LRIG3: variants seen among roughly 807,000 people sequenced by gnomAD.
The protein encoded by LRIG3 is leucine-rich repeats and immunoglobulin-like domains protein 3.
LRIG3 carries 76 observed loss-of-function variants against 114.5 expected under a neutral mutation model. That is an observed-to-expected ratio of 0.66 (90% CI 0.55 to 0.80). The LOEUF (loss-of-function observed/expected upper bound fraction) is 0.80. LRIG3 is among the 30% of genes least tolerant of loss of function. The probability of loss-of-function intolerance (pLI) is 0.00; values close to 1 mark genes in which losing one functional copy is unlikely to be tolerated. For missense variants in LRIG3, 1,239 were observed against 1,382.8 expected (o/e 0.90, Z 1.65); for synonymous variants, 512 against 519.8 (o/e 0.98, Z 0.20).
At chr12:58,879,126 T>C (rs1871033706) in intron 13 of LRIG3, 21 bp from the exon 14 acceptor site, 2 of 1,601,786 alleles carry the variant, frequency 1.2e-6, no homozygotes, top group Non-Finnish European at 1.7e-6. Context: ...AGAAACAATA[T>C]AGGCATTAGC....
chr12:58,889,821 G>A (rs1038384528), intron 5 of LRIG3, among the ~76,000 whole-genome samples, 175 bp downstream of exon 5: 2 of 152,012 alleles, frequency 1.3e-5, no homozygotes, highest in Non-Finnish European at 2.9e-5. Flanking sequence ...ACGAGGTGAC[G>A]AGATGATGTT....
At chr12:58,886,751 G>A (rs988059407) in intron 9 of LRIG3, 59 bp downstream of exon 9, 34 of 1,455,678 alleles carry the variant, frequency 2.3e-5, no homozygotes, top group Non-Finnish European at 3.1e-5. Context: ...GCTGACTTCA[G>A]TGAAGACAAA....
rs1592316139 is a variant in LRIG3, at chr12:58,920,483, G to A, written c.-248C>T. 4 of 376,042 alleles carry A rather than the reference G, an allele frequency of 1.1e-5. No individual in the cohort carries two copies. Among genetic ancestry groups the A allele is most frequent in the African/African-American group, 4.2e-5 (2 of 47,770 alleles). 23.3% of individuals were successfully genotyped at this position (376,042 alleles called of 1,614,324 possible). A position where few individuals can be genotyped will look rare whatever the true frequency, so the allele number is the denominator to read the frequency against. On this transcript the variant is annotated 5_prime_UTR_variant, in exon 1 of 19. Coordinates refer to ENST00000320743, the MANE Select transcript of LRIG3 (RefSeq NM_153377.5). ...GTTGCAGCTTGAGCAGCGTCGGCTCGCCGAAGCCCCTTCTTGTCTGCAAAA... is the reference window on the plus strand; with the variant it reads ...GTTGCAGCTTGAGCAGCGTCGGCTCACCGAAGCCCCTTCTTGTCTGCAAAA...
intron 3 of LRIG3, among the ~76,000 whole-genome samples, chr12:58,907,569 G>A (rs75518738): frequency 0.012 from 1,851 of 152,306 alleles, 33 homozygotes; most frequent in East Asian, 0.088. Flanking sequence ...AGCAGCAGCT[G>A]CTGGCGCTCA....
At chr12:58,902,217 G>C (rs767169848) in intron 3 of LRIG3, among the ~76,000 whole-genome samples, 20 of 151,984 alleles carry the variant, frequency 1.3e-4, no homozygotes, top group Non-Finnish European at 2.4e-4. Flanking sequence ...TCGATACTTT[G>C]TGTGGGATCA....
intron 3 of LRIG3, among the ~76,000 whole-genome samples, chr12:58,903,713 T>A (rs1871954606): frequency 6.6e-6 from 1 of 152,028 alleles, no homozygotes; most frequent in African/African-American, 2.4e-5. Flanking sequence ...AATGTTTAAG[T>A]CTTTAATCCA....
chr12:58,881,339 T>C (rs972624683), intron 12 of LRIG3, among the ~76,000 whole-genome samples: 4 of 148,460 alleles, frequency 2.7e-5, no homozygotes, highest in Admixed American at 2.0e-4. Context: ...ACATCAATCA[T>C]GATTAATCAA....
intron 3 of LRIG3, among the ~76,000 whole-genome samples, chr12:58,898,044 T>C (rs541412114): frequency 3.9e-5 from 6 of 152,312 alleles, no homozygotes; most frequent in East Asian, 1.9e-4. Context: ...CAGCTGTAGA[T>C]TGCACCATAA....
At chr12:58,919,715 T>A (rs943438424) in intron 1 of LRIG3, among the ~76,000 whole-genome samples, 4 of 152,180 alleles carry the variant, frequency 2.6e-5, no homozygotes, top group Non-Finnish European at 5.9e-5. Context: ...GGCGCAGGAC[T>A]TCATCCCCAA....
At chr12:58,888,771 T>C (rs890946203) in intron 6 of LRIG3, 48 bp downstream of exon 6, 5 of 1,598,566 alleles carry the variant, frequency 3.1e-6, no homozygotes, top group Non-Finnish European at 4.3e-6. Context: ...ACACTGAGCA[T>C]TCTATGATCA....
Position 58,889,977 on chromosome 12 carries a change from A to C in LRIG3, c.659+19T>G. The C allele has an allele frequency of 6.2e-7, 1 of 1,612,648 alleles. No homozygotes were observed. The highest frequency in any genetic ancestry group is 2.2e-5 in the East Asian group (1 of 44,830). On this transcript the variant is annotated intron_variant, in intron 5 of 18. Transcript: ENST00000320743. Reference sequence around the variant, plus strand: ...TTGGAGGAGGTGAGAAACAGTATCTAAGAGGACATTTTACTTACAGATGTT... The same window carrying C: ...TTGGAGGAGGTGAGAAACAGTATCTCAGAGGACATTTTACTTACAGATGTT...
chr12:58,890,381 T>A (rs577722343), intron 4 of LRIG3, among the ~76,000 whole-genome samples: 29 of 152,370 alleles, frequency 1.9e-4, no homozygotes, highest in Non-Finnish European at 3.8e-4. Context: ...GACATTCATT[T>A]ATTAATAAAA....
rs1049483690 is a variant in LRIG3, at chr12:58,877,420, T to C, written c.2516A>G (p.Asp839Gly). The change falls in exon 15 of 19, where the codon GAT becomes GGT. Residue 839 changes from aspartate (D) to glycine (G), a missense_variant. Asp to Gly is a moderately conservative substitution (Grantham distance 94). Transcript: ENST00000320743. ...CACACCTGTGTTGGTAATGCTGCAA[T>C]CTTCATTCCTCCGCCTTGTGTGGTA... Reference protein sequence around the residue: ...IIYHTRRRNEDCSITNTDETN... With the variant: ...IIYHTRRRNEGCSITNTDETN... 4 of 1,613,920 alleles carry C rather than the reference T, an allele frequency of 2.5e-6. No individual in the cohort carries two copies. In the East Asian group the frequency reaches 6.7e-5, roughly 27 times the overall value.
At chr12:58,903,304 C>T (rs12823084) in intron 3 of LRIG3, among the ~76,000 whole-genome samples, 1 of 152,176 alleles carries the variant, frequency 6.6e-6, no homozygotes, top group Non-Finnish European at 1.5e-5. Context: ...TTTTGATTTG[C>T]ATTTCTCTGA....
At chr12:58,885,366 T>G (rs1290941741) in intron 10 of LRIG3, among the ~76,000 whole-genome samples, 1 of 152,150 alleles carries the variant, frequency 6.6e-6, no homozygotes, top group Non-Finnish European at 1.5e-5. Context: ...AGCCAAGTCA[T>G]CTCCTTTAAC....
chr12:58,889,019 ATAAAATGT>A (rs1871367519), intron 5 of LRIG3, 57 bp from the exon 6 acceptor site: 1 of 1,538,574 alleles, frequency 6.5e-7, no homozygotes. Context: ...GGAGGTAGTA[ATAAAATGT>A]GTCATTACTA....
At chr12:58,891,317 T>C (rs968726759) in intron 3 of LRIG3, among the ~76,000 whole-genome samples, 4 of 151,990 alleles carry the variant, frequency 2.6e-5, no homozygotes, top group African/African-American at 9.7e-5. Flanking sequence ...CTATGTTCTC[T>C]AGGCTGGTCT....
chr12:58,888,156 C>T (rs1286904767), intron 7 of LRIG3, among the ~76,000 whole-genome samples, 173 bp downstream of exon 7: 1 of 152,162 alleles, frequency 6.6e-6, no homozygotes, highest in Non-Finnish European at 1.5e-5. Context: ...AGAACTGCAA[C>T]AGTAGAACTG....
At chr12:58,878,063 C>G (rs1870989206) in intron 14 of LRIG3, among the ~76,000 whole-genome samples, 1 of 152,158 alleles carries the variant, frequency 6.6e-6, no homozygotes, top group African/African-American at 2.4e-5. Flanking sequence ...AGGATAATAT[C>G]TACTATTTTT....
Sources: allele counts gnomAD v4.1 joint callset (sites outside exome capture counted in the v4.1 genomes callset), GRCh38; gene constraint gnomAD v4.1.1; transcripts MANE v1.5; gene names NCBI Gene and HGNC (gene_info 2026-07-23, HGNC 2026-07-21).